The following CDH18 variants were observed in gnomAD, a reference collection of about 807,000 sequenced individuals.
The protein encoded by CDH18 is cadherin 18.
CDH18 carries 31 observed loss-of-function variants against 67.9 expected under a neutral mutation model. The ratio of observed to expected loss-of-function variants is 0.46; its 90% CI spans 0.34 to 0.62. CDH18 has a LOEUF of 0.62. Ranked by LOEUF, CDH18 falls within the 20% of genes least tolerant of loss-of-function variation. CDH18 has a pLI of 0.01. For missense variants in CDH18, 890 were observed against 975.5 expected, an observed-to-expected ratio of 0.91 and a Z score of 1.17; for synonymous variants, 362 against 347.2, an observed-to-expected ratio of 1.04 and a Z score of -0.48.
intron 2 of CDH18, among the ~76,000 whole-genome samples, chr5:20,099,171 G>A (rs1379779638): frequency 1.3e-5 from 2 of 152,126 alleles, no homozygotes; most frequent in Non-Finnish European, 2.9e-5. Flanking sequence ...AAAACACTGT[G>A]TGAATAAACA....
At chr5:20,213,815 T>C (rs894476685) in intron 2 of CDH18, among the ~76,000 whole-genome samples, 3 of 152,110 alleles carry the variant, frequency 2.0e-5, no homozygotes, top group Admixed American at 2.0e-4. Context: ...ATTTTACTAA[T>C]TTTTAAAGAA....
At chr5:19,527,328 A>G (rs1044451656) in intron 9 of CDH18, among the ~76,000 whole-genome samples, 1 of 151,688 alleles carries the variant, frequency 6.6e-6, no homozygotes, top group Non-Finnish European at 1.5e-5. Flanking sequence ...TACATATTAT[A>G]AACTACTTTA....
intron 7 of CDH18, among the ~76,000 whole-genome samples, chr5:19,574,296 AT>A (rs1417797360): frequency 5.3e-5 from 8 of 152,232 alleles, no homozygotes; most frequent in Admixed American, 4.6e-4. Flanking sequence ...TCTAATATAT[AT>A]TTTACTACTC....
intron 8 of CDH18, among the ~76,000 whole-genome samples, chr5:19,544,996 G>A (rs1323287930): frequency 6.6e-6 from 1 of 151,910 alleles, no homozygotes; most frequent in East Asian, 1.9e-4. Context: ...AGACCCCTGA[G>A]TTTTGGAGTT....
At chr5:20,304,581 C>A in intron 1 of CDH18, 3 of 1,611,978 alleles carry the variant, frequency 1.9e-6, no homozygotes, top group Non-Finnish European at 2.5e-6. Flanking sequence ...AAAATCCAGT[C>A]AGGGGGACAG....
chr5:20,407,720 TA>T (rs1357517795), intron 1 of CDH18, among the ~76,000 whole-genome samples: 2 of 101,428 alleles, frequency 2.0e-5, no homozygotes, highest in South Asian at 3.0e-4. Context: ...GAAAAAAAAA[TA>T]ATTTTTTTTT....
At chr5:20,174,937 C>A (rs1472111925) in intron 2 of CDH18, among the ~76,000 whole-genome samples, 1 of 152,026 alleles carries the variant, frequency 6.6e-6, no homozygotes, top group Non-Finnish European at 1.5e-5. Context: ...AAATTAGGTT[C>A]TATTTTTATA....
chr5:19,686,851 A>G (rs1271468881), intron 5 of CDH18, among the ~76,000 whole-genome samples: 1 of 152,178 alleles, frequency 6.6e-6, no homozygotes, highest in African/African-American at 2.4e-5. Context: ...ATTATATGCT[A>G]GTATTGAGAA....
chr5:20,127,263 G>A (rs1339673292), intron 2 of CDH18, among the ~76,000 whole-genome samples: 3 of 151,492 alleles, frequency 2.0e-5, no homozygotes, highest in Non-Finnish European at 4.4e-5. Flanking sequence ...CTTCCCCTTA[G>A]CCTTCCACCA....
intron 1 of CDH18, among the ~76,000 whole-genome samples, chr5:20,483,684 C>T (rs57414837): frequency 0.044 from 6,625 of 149,732 alleles, 167 homozygotes; most frequent in African/African-American, 0.056. Context: ...GGGAAAAGGA[C>T]ACACACATCA....
intron 2 of CDH18, among the ~76,000 whole-genome samples, chr5:20,110,488 G>A (rs1747368729): frequency 6.6e-6 from 1 of 152,130 alleles, no homozygotes; most frequent in Non-Finnish European, 1.5e-5. Context: ...TTTGAGACCA[G>A]CCTGGCCAAC....
intron 3 of CDH18, among the ~76,000 whole-genome samples, chr5:19,751,613 A>G (rs1770853713): frequency 6.6e-6 from 1 of 152,222 alleles, no homozygotes; most frequent in Non-Finnish European, 1.5e-5. Flanking sequence ...AGGCAAATGA[A>G]ACAAAAATCA....
chr5:19,992,347 G>A (rs962607044), upstream of CDH18, among the ~76,000 whole-genome samples: 1 of 151,110 alleles, frequency 6.6e-6, no homozygotes, highest in African/African-American at 2.4e-5. Flanking sequence ...TACTACAAAT[G>A]ATGAAATGAG....
At chr5:19,840,881 T>A (rs1310017896) in intron 2 of CDH18, among the ~76,000 whole-genome samples, 1 of 152,202 alleles carries the variant, frequency 6.6e-6, no homozygotes, top group African/African-American at 2.4e-5. Flanking sequence ...ATAAATCACT[T>A]TCTCATTGAA....
intron 2 of CDH18, among the ~76,000 whole-genome samples, chr5:20,195,590 T>C (rs1485479888): frequency 1.3e-5 from 2 of 152,112 alleles, no homozygotes; most frequent in Non-Finnish European, 2.9e-5. Context: ...TGATTGAATA[T>C]ATCAAAATAC....
At chr5:19,872,224 T>C (rs1439195903) in intron 2 of CDH18, among the ~76,000 whole-genome samples, 1 of 152,120 alleles carries the variant, frequency 6.6e-6, no homozygotes, top group Non-Finnish European at 1.5e-5. Context: ...TTGAAATGTA[T>C]TCAGGTAGAG....
In CDH18 at chr5:19,629,993, AC is replaced by A. The variant is rs150122705; in HGVS notation, c.644-17393del. ...ACTCCATCGTACAGGCTGGAGTGCA[AC>A]AGTGCGATCTTGGCTCACTGCAACC... On this transcript the variant is annotated intron_variant, in intron 5 of 12. Coordinates refer to ENST00000382275, the MANE Select transcript of CDH18 (RefSeq NM_004934.5). Among the ~76,000 whole-genome samples, 1,199 of 152,154 alleles carry A rather than the reference AC, an allele frequency of 7.9e-3. 5 individuals carry two copies. The highest frequency in any genetic ancestry group is 0.012 in the Non-Finnish European group (801 of 68,006).
intron 1 of CDH18, among the ~76,000 whole-genome samples, chr5:20,466,274 T>G (rs55719199): frequency 0.083 from 12,608 of 151,988 alleles, 1,662 homozygotes; most frequent in African/African-American, 0.28. Context: ...ATTATTTCCT[T>G]GTAATTACTG....
At chr5:20,077,918 T>C (rs1744089892) in intron 2 of CDH18, among the ~76,000 whole-genome samples, 1 of 152,170 alleles carries the variant, frequency 6.6e-6, no homozygotes, top group Non-Finnish European at 1.5e-5. Flanking sequence ...TTGTAATAAA[T>C]TAAATTAAAT....
Sources: allele counts gnomAD v4.1 joint callset (sites outside exome capture counted in the v4.1 genomes callset), GRCh38; gene constraint gnomAD v4.1.1; transcripts MANE v1.5; gene names NCBI Gene and HGNC (gene_info 2026-07-23, HGNC 2026-07-21).